The following C2CD3 variants were observed in gnomAD, a reference collection of about 807,000 sequenced individuals.
The protein encoded by C2CD3 is C2 domain-containing protein 3.
In C2CD3, 148 loss-of-function variants were observed where a neutral mutation model predicts 234.0. That is an observed-to-expected ratio of 0.63 (90% CI 0.55 to 0.72). The LOEUF is 0.72. Ranked by LOEUF, C2CD3 falls within the 30% of genes least tolerant of loss-of-function variation. The pLI is 0.00. For missense variants in C2CD3, 2,577 were observed against 2,811.5 expected (o/e 0.92, Z 1.89); for synonymous variants, 1,000 against 1,035.4 (o/e 0.97, Z 0.66).
intron 29 of C2CD3, among the ~76,000 whole-genome samples, chr11:74,038,638 A>T (rs1415415161): frequency 6.6e-6 from 1 of 152,222 alleles, no homozygotes; most frequent in Admixed American, 6.5e-5. Context: ...ACCCCAGTTC[A>T]AGCAACTCCC....
chr11:74,085,142 ATT>A (rs397943793), intron 21 of C2CD3, among the ~76,000 whole-genome samples, 172 bp from the exon 22 acceptor site: 8 of 139,390 alleles, frequency 5.7e-5, no homozygotes, highest in Admixed American at 7.2e-5. Context: ...GAATGCCTTC[ATT>A]TTTTTTTTTT....
Position 74,090,919 on chromosome 11 carries a change from G to A in C2CD3, c.3535C>T (p.Leu1179=). The A allele has an allele frequency of 6.2e-7, 1 of 1,613,956 alleles. No individual in the cohort carries two copies. The highest frequency in any genetic ancestry group is 8.5e-7 in the Non-Finnish European group (1 of 1,179,938). ...NQSSGLLDVG[L]RYRRSPRTAE... is the part of the protein sequence containing the mutation. The stretch of plus-strand genomic sequence containing the variant: ...GTTCTTGGACTACGCCTGTACCTTA[G>A]GCCCACATCCAGTAAACCTGAAGAA... Residue 1179 remains leucine (L), a synonymous_variant, in exon 20 of 33, where the codon CTA becomes TTA. Coordinates refer to ENST00000334126, the MANE Select transcript of C2CD3 (RefSeq NM_001286577.2).
intron 17 of C2CD3, among the ~76,000 whole-genome samples, chr11:74,094,548 G>C (rs1956035798): frequency 6.6e-6 from 1 of 152,092 alleles, no homozygotes; most frequent in Admixed American, 6.6e-5. Flanking sequence ...GTGAGAAAAA[G>C]GTGAGCGAGT....
rs536376679 is a variant in C2CD3, at chr11:74,092,810, T to TCTGTGCGGTAA, written c.3345-233_3345-223dup. Among the ~76,000 whole-genome samples, 64 of 152,258 alleles carry TCTGTGCGGTAA rather than the reference T, an allele frequency of 4.2e-4. 2 individuals are homozygous for TCTGTGCGGTAA. The Middle Eastern group carries it at 0.014, about 32-fold the overall frequency. The stretch of plus-strand genomic sequence containing the variant: ...ACAAAGCCTAGCTTCCCTCAAGTTT[T>TCTGTGCGGTAA]CTGTGCGGTAACTGTACATGCCTTG... On this transcript the variant is annotated intron_variant, in intron 18 of 32. Transcript: ENST00000334126.
chr11:74,111,919 T>TACACACAC (rs61499954), intron 11 of C2CD3, among the ~76,000 whole-genome samples: 217 of 125,156 alleles, frequency 1.7e-3, no homozygotes, highest in East Asian at 0.012. Flanking sequence ...TATTTGCTGA[T>TACACACAC]ACACACACAC....
intron 28 of C2CD3, 33 bp downstream of exon 28, chr11:74,048,172 C>T: frequency 1.9e-6 from 3 of 1,603,914 alleles, no homozygotes; most frequent in Non-Finnish European, 2.6e-6. Flanking sequence ...ATTTTTTAAC[C>T]CCATTTCTTC....
At chr11:74,131,905 G>A (rs1565330222) in intron 7 of C2CD3, among the ~76,000 whole-genome samples, 5 of 152,054 alleles carry the variant, frequency 3.3e-5, no homozygotes, top group South Asian at 4.1e-4. Flanking sequence ...TTAAAACTTC[G>A]GCACATATTG....
At chr11:74,133,054 T>C (rs1299423547) in intron 6 of C2CD3, 82 bp from the exon 7 acceptor site, 2 of 1,336,794 alleles carry the variant, frequency 1.5e-6, no homozygotes, top group Non-Finnish European at 1.1e-6. Flanking sequence ...TACATGCAGC[T>C]GGTCTGACTC....
At chr11:74,115,159 TA>T (rs201536642) in intron 9 of C2CD3, among the ~76,000 whole-genome samples, 5 of 148,424 alleles carry the variant, frequency 3.4e-5, no homozygotes, top group Non-Finnish European at 6.0e-5. Context: ...TGCTCCCAGG[TA>T]AAAAAAAAAT....
chr11:74,054,078 C>G (rs2135435247), intron 26 of C2CD3, among the ~76,000 whole-genome samples: 1 of 152,134 alleles, frequency 6.6e-6, no homozygotes, highest in East Asian at 1.9e-4. Context: ...CGAGACCACC[C>G]TGGCTAACAC....
intron 7 of C2CD3, among the ~76,000 whole-genome samples, chr11:74,127,582 A>G (rs1243525855): frequency 6.6e-6 from 1 of 151,890 alleles, no homozygotes; most frequent in East Asian, 1.9e-4. Flanking sequence ...TTGGGTATAT[A>G]GCTAGGAGTT....
intron 9 of C2CD3, among the ~76,000 whole-genome samples, chr11:74,117,214 ATATATATATATGAATATATATATATGAG>A (rs1957050730): frequency 1.4e-4 from 10 of 72,186 alleles, no homozygotes; most frequent in Non-Finnish European, 1.7e-4. Flanking sequence ...ATATATATGA[ATATATATATATGAATATATATATATGAG>A]TGAGCTGTGA....
At chr11:74,127,305 G>C (rs1247525442) in intron 7 of C2CD3, among the ~76,000 whole-genome samples, 3 of 152,178 alleles carry the variant, frequency 2.0e-5, no homozygotes, top group South Asian at 2.1e-4. Flanking sequence ...GCCCGGCCTG[G>C]CTTCTTTCAA....
chr11:74,043,780 C>T (rs759747299), intron 28 of C2CD3, among the ~76,000 whole-genome samples: 1 of 151,936 alleles, frequency 6.6e-6, no homozygotes, highest in African/African-American at 2.4e-5. Flanking sequence ...AGATCCTTTG[C>T]CCATTTTTAA....
At chr11:74,115,257 C>CA (rs1429992200) in intron 9 of C2CD3, among the ~76,000 whole-genome samples, 12 of 151,908 alleles carry the variant, frequency 7.9e-5, no homozygotes, top group African/African-American at 2.7e-4. Context: ...CACTTATACA[C>CA]ACACAACATA....
chr11:74,130,789 C>CT (rs1232182097), intron 7 of C2CD3, among the ~76,000 whole-genome samples: 3 of 151,724 alleles, frequency 2.0e-5, no homozygotes, highest in African/African-American at 7.3e-5. Context: ...GTCCTACTTT[C>CT]TTTTTTTTCA....
At position 74,132,920 on chromosome 11, in the gene C2CD3, G is replaced by A. The variant is rs1284911556; in HGVS notation, c.1141C>T (p.Leu381Phe). 1.2e-6 allele frequency: 2 copies of A among 1,612,528 alleles called. No homozygotes were observed. Among genetic ancestry groups the A allele is most frequent in the African/African-American group, 1.3e-5 (1 of 75,018 alleles). Residue 381 changes from leucine (L) to phenylalanine (F), a missense_variant, in exon 7 of 33, where the codon CTC (leucine) becomes TTC (phenylalanine). Coordinates refer to ENST00000334126, the MANE Select transcript of C2CD3 (RefSeq NM_001286577.2). Reference sequence around the variant, plus strand: ...CAAAATGTATTCTCAGTTGAAGGGAGGAGGTGATCTTCAATGTGGTCTTTA... The same window carrying A: ...CAAAATGTATTCTCAGTTGAAGGGAAGAGGTGATCTTCAATGTGGTCTTTA... ...RFKDHIEDHLLPSTENTFWRH... is the reference protein window; with the variant it reads ...RFKDHIEDHLFPSTENTFWRH...
chr11:74,026,694 G>A (rs1040151337), intron 32 of C2CD3, among the ~76,000 whole-genome samples: 1 of 152,200 alleles, frequency 6.6e-6, no homozygotes, highest in Non-Finnish European at 1.5e-5. Flanking sequence ...TTCAGGCCGG[G>A]CGCAGTGGCT....
At chr11:74,072,221 A>G (rs1191564834) in intron 24 of C2CD3, among the ~76,000 whole-genome samples, 1 of 152,180 alleles carries the variant, frequency 6.6e-6, no homozygotes, top group Non-Finnish European at 1.5e-5. Context: ...TTGTCCTGAT[A>G]TAGAATGTTT....
Sources: gnomAD v4.1 joint callset for allele counts (sites outside exome capture counted in the v4.1 genomes callset) on GRCh38, gnomAD v4.1.1 for gene constraint, MANE v1.5 for transcripts, NCBI Gene and HGNC (gene_info 2026-07-23, HGNC 2026-07-21) for gene names.